LUZP2: variants seen among roughly 807,000 people sequenced by gnomAD.
LUZP2 encodes the protein leucine zipper protein 2.
Under a neutral mutation model 51.6 loss-of-function variants are expected in LUZP2, and 52 were observed. That is an observed-to-expected ratio of 1.01 (90% confidence interval 0.81 to 1.27). The LOEUF is 1.27. Among genes scored for constraint, LUZP2 ranks in the 50% most tolerant of loss-of-function variants. The pLI, the probability that LUZP2 is intolerant of heterozygous loss-of-function variation, is 0.00. For synonymous variants in LUZP2, 154 were observed against 137.3 expected (o/e 1.12, Z -0.85); for missense variants, 436 against 395.4 (o/e 1.10, Z -0.87).
chr11:24,627,242 G>A (rs1465473960), intron 1 of LUZP2, among the ~76,000 whole-genome samples: 2 of 152,110 alleles, frequency 1.3e-5, no homozygotes, highest in Admixed American at 6.6e-5. Flanking sequence ...ATAGGCAAAG[G>A]TTTGTTAAAT....
chr11:24,693,097 C>A (rs1857129414), intron 1 of LUZP2, among the ~76,000 whole-genome samples: 1 of 151,842 alleles, frequency 6.6e-6, no homozygotes, highest in Admixed American at 6.6e-5. Context: ...AATTCACAGT[C>A]TTGGCTTTCT....
chr11:24,587,102 C>G (rs998608683), intron 1 of LUZP2, among the ~76,000 whole-genome samples: 7 of 152,054 alleles, frequency 4.6e-5, no homozygotes, highest in Non-Finnish European at 1.5e-5. Context: ...AAATGGGCAA[C>G]AAATATACAG....
chr11:24,729,431 A>C, intron 2 of LUZP2, 145 bp downstream of exon 2: 1 of 458,586 alleles, frequency 2.2e-6, no homozygotes, highest in Non-Finnish European at 3.9e-6. Context: ...ATGTGCCCTA[A>C]ACGGAAATGT....
intron 1 of LUZP2, among the ~76,000 whole-genome samples, chr11:24,515,270 T>C (rs1161851224): frequency 6.6e-6 from 1 of 152,182 alleles, no homozygotes; most frequent in African/African-American, 2.4e-5. Flanking sequence ...ATTCTAGGAA[T>C]ACTACACATC....
intron 5 of LUZP2, among the ~76,000 whole-genome samples, chr11:24,894,670 G>A (rs139625493): frequency 7.7e-6 from 1 of 130,394 alleles, no homozygotes; most frequent in African/African-American, 2.9e-5. Context: ...AGTATTCAAT[G>A]TTTAACTCCC....
intron 9 of LUZP2, among the ~76,000 whole-genome samples, chr11:24,984,679 G>T (rs962607730): frequency 2.0e-5 from 3 of 150,522 alleles, no homozygotes; most frequent in Non-Finnish European, 4.5e-5. Context: ...TTTTATTATG[G>T]TGCATACCTG....
At chr11:24,636,609 G>A (rs1330170378) in intron 1 of LUZP2, among the ~76,000 whole-genome samples, 3 of 152,098 alleles carry the variant, frequency 2.0e-5, no homozygotes, top group East Asian at 3.9e-4. Context: ...ATTTACACAC[G>A]TAAATGCATA....
At chr11:25,013,924 A>G (rs10834580) in intron 9 of LUZP2, among the ~76,000 whole-genome samples, 76,438 of 150,886 alleles carry the variant, frequency 0.51, 19,849 homozygotes, top group East Asian at 0.91. Context: ...GACAGGCCCC[A>G]GTGTGTGATG....
At chr11:24,897,421 A>G (rs1432424420) in intron 5 of LUZP2, among the ~76,000 whole-genome samples, 1 of 152,204 alleles carries the variant, frequency 6.6e-6, no homozygotes, top group African/African-American at 2.4e-5. Context: ...ACTCATTGCG[A>G]AGGTCCACAG....
chr11:25,043,491 A>G (rs1409787107), intron 9 of LUZP2, among the ~76,000 whole-genome samples: 1 of 151,336 alleles, frequency 6.6e-6, no homozygotes, highest in Non-Finnish European at 1.5e-5. Context: ...AACGAAAGCA[A>G]AAAGCACACT....
At chr11:24,677,557 C>A (rs1856602415) in intron 1 of LUZP2, among the ~76,000 whole-genome samples, 1 of 152,168 alleles carries the variant, frequency 6.6e-6, no homozygotes, top group Non-Finnish European at 1.5e-5. Context: ...TTTAAGATTC[C>A]TTATGTCACT....
At chr11:25,013,241 A>T (rs1409553501) in intron 9 of LUZP2, among the ~76,000 whole-genome samples, 4 of 152,012 alleles carry the variant, frequency 2.6e-5, no homozygotes, top group Non-Finnish European at 5.9e-5. Context: ...GGGGAGGAGG[A>T]TGAAGAGGAG....
At chr11:25,074,522 ATAGT>A (rs749675437) in intron 10 of LUZP2, among the ~76,000 whole-genome samples, 2 of 152,178 alleles carry the variant, frequency 1.3e-5, no homozygotes, top group Non-Finnish European at 2.9e-5. Flanking sequence ...CTTATCTCGA[ATAGT>A]TGGTTGTGCT....
chr11:24,546,574 T>C lies in LUZP2; in HGVS notation c.62+49269T>C, dbSNP rs369723595. On this transcript the variant is annotated intron_variant, in intron 1 of 11. Coordinates refer to ENST00000336930, the MANE Select transcript of LUZP2 (RefSeq NM_001009909.4). ...TTCTGTTTATGTGGTGTGAATCACA[T>C]TTATTGATTTGCTTATGTTGAACCA... Among the ~76,000 whole-genome samples, 30 of 152,254 alleles carry C rather than the reference T, an allele frequency of 2.0e-4. No individual in the cohort carries two copies. In the East Asian group the frequency reaches 4.6e-3, roughly 24 times the overall value.
chr11:24,962,366 A>G lies in LUZP2; in HGVS notation c.523-14225A>G, dbSNP rs1031946499. On this transcript the variant is annotated intron_variant, in intron 7 of 11. Transcript: ENST00000336930. ...ATAATATCCTGCAGAGTGTTTTCCA[A>G]CTTGGTTCCATTCTCCCCATCACTT... Among the ~76,000 whole-genome samples, 7 of 152,168 alleles carry G rather than the reference A, an allele frequency of 4.6e-5. No individual in the cohort carries two copies. The East Asian group carries it at 1.3e-3, about 29-fold the overall frequency.
chr11:24,503,331 A>T (rs572707136), intron 1 of LUZP2, among the ~76,000 whole-genome samples: 1 of 152,296 alleles, frequency 6.6e-6, no homozygotes, highest in African/African-American at 2.4e-5. Flanking sequence ...AAACGGTGTA[A>T]TTTACCGCTA....
intron 5 of LUZP2, among the ~76,000 whole-genome samples, chr11:24,863,827 A>G (rs1851809561): frequency 6.6e-6 from 1 of 152,134 alleles, no homozygotes; most frequent in Non-Finnish European, 1.5e-5. Context: ...CTTTTTGCAC[A>G]TAAAAGACTG....
intron 7 of LUZP2, among the ~76,000 whole-genome samples, chr11:24,917,269 C>T (rs1853820758): frequency 6.6e-6 from 1 of 152,010 alleles, no homozygotes; most frequent in Non-Finnish European, 1.5e-5. Flanking sequence ...AAAATTTTCT[C>T]CCATTCTGTA....
At chr11:24,734,824 G>T (rs975189354) in intron 3 of LUZP2, among the ~76,000 whole-genome samples, 26 of 151,968 alleles carry the variant, frequency 1.7e-4, no homozygotes, top group African/African-American at 4.8e-4. Flanking sequence ...GAGTTTGAAA[G>T]AGTGCAGTGT....
Sources: gnomAD v4.1 joint callset for allele counts (sites outside exome capture counted in the v4.1 genomes callset) on GRCh38, gnomAD v4.1.1 for gene constraint, MANE v1.5 for transcripts, NCBI Gene and HGNC (gene_info 2026-07-23, HGNC 2026-07-21) for gene names.